Variants in CCSER1 observed in about 807,000 individuals in gnomAD.
The protein encoded by CCSER1 is serine-rich coiled-coil domain-containing protein 1.
Under a neutral mutation model 82.0 loss-of-function variants are expected in CCSER1, and 41 were observed. That is an observed-to-expected ratio of 0.50 (90% CI 0.39 to 0.65). The LOEUF (loss-of-function observed/expected upper bound fraction) is 0.65. CCSER1 is among the 30% of genes least tolerant of loss of function. The pLI is 0.00. For missense variants in CCSER1, 1,119 were observed against 1,064.2 expected (o/e 1.05, Z -0.72); for synonymous variants, 414 against 383.9 (o/e 1.08, Z -0.92).
At chr4:91,191,827 T>G (rs868621104) in intron 10 of CCSER1, among the ~76,000 whole-genome samples, 3 of 152,206 alleles carry the variant, frequency 2.0e-5, no homozygotes, top group African/African-American at 7.2e-5. Flanking sequence ...TTACCCAGTC[T>G]TTTCAATTCT....
At chr4:90,868,741 T>C (rs916327396) in intron 8 of CCSER1, among the ~76,000 whole-genome samples, 3 of 152,074 alleles carry the variant, frequency 2.0e-5, no homozygotes, top group African/African-American at 7.2e-5. Context: ...CTAGATCGTA[T>C]GGTAGCTGAA....
intron 10 of CCSER1, among the ~76,000 whole-genome samples, chr4:91,131,610 ATATT>A (rs1402657413): frequency 6.6e-6 from 1 of 152,114 alleles, no homozygotes; most frequent in Non-Finnish European, 1.5e-5. Flanking sequence ...ATGTGTATAC[ATATT>A]TATATATATT....
chr4:90,801,864 G>C (rs965435769), intron 7 of CCSER1, among the ~76,000 whole-genome samples: 2 of 152,056 alleles, frequency 1.3e-5, no homozygotes, highest in African/African-American at 2.4e-5. Flanking sequence ...CTGTAAAAAA[G>C]ACTTAGAATA....
At chr4:90,534,107 G>A (rs1774970135) in intron 5 of CCSER1, among the ~76,000 whole-genome samples, 1 of 152,268 alleles carries the variant, frequency 6.6e-6, no homozygotes, top group Non-Finnish European at 1.5e-5. Context: ...TAGGCACTTG[G>A]AACAGAAATA....
chr4:90,204,831 G>T lies in CCSER1; in HGVS notation c.-42+77000G>T, dbSNP rs533516293. Among the ~76,000 whole-genome samples, 244 of 152,168 alleles carry T rather than the reference G, an allele frequency of 1.6e-3. 2 individuals are homozygous for T. The highest frequency in any genetic ancestry group is 5.5e-3 in the African/African-American group (227 of 41,552). ...TGATTCTTCCTATCCATGAGCATGG[G>T]ATGTTTTTCCATTTGTTTGTGTCCT... On this transcript the variant is annotated intron_variant, in intron 1 of 10. Transcript: ENST00000509176.
chr4:91,581,248 A>G (rs1763713721), intron 10 of CCSER1, among the ~76,000 whole-genome samples: 1 of 151,732 alleles, frequency 6.6e-6, no homozygotes, highest in Non-Finnish European at 1.5e-5. Context: ...TTCACCAGCG[A>G]TATTAGATAA....
chr4:90,833,999 A>C (rs1216877199), intron 8 of CCSER1, among the ~76,000 whole-genome samples: 2 of 152,082 alleles, frequency 1.3e-5, no homozygotes, highest in Non-Finnish European at 2.9e-5. Context: ...CCAGTGCCAT[A>C]CTCTGGGACT....
Position 91,093,146 on chromosome 4 carries a change from G to C in CCSER1, c.2217+7152G>C, listed in dbSNP as rs188528070. ...AGCAATGAGTTCTTCCTTCTGGGCT[G>C]AAGTGCCCTGAGGCAATGGTTTGGC... On this transcript the variant is annotated intron_variant, in intron 10 of 10. Coordinates refer to ENST00000509176, the MANE Select transcript of CCSER1 (RefSeq NM_001145065.2). Among the ~76,000 whole-genome samples, 461 of 152,310 alleles carry C rather than the reference G, an allele frequency of 3.0e-3. 13 individuals carry two copies. Among genetic ancestry groups the C allele is most frequent in the Non-Finnish European group, 8.5e-4 (58 of 68,030 alleles).
At chr4:90,850,552 T>C (rs1763754462) in intron 8 of CCSER1, among the ~76,000 whole-genome samples, 1 of 152,194 alleles carries the variant, frequency 6.6e-6, no homozygotes, top group African/African-American at 2.4e-5. Context: ...AAAGAGATCA[T>C]TTTGGAACTT....
intron 8 of CCSER1, among the ~76,000 whole-genome samples, chr4:90,896,511 T>C (rs1723737391): frequency 6.6e-6 from 1 of 151,956 alleles, no homozygotes. Flanking sequence ...AAATTAATGG[T>C]CGTGAAGGGA....
chr4:91,593,467 C>CTTTTTT (rs753973015), intron 10 of CCSER1, among the ~76,000 whole-genome samples: 3 of 55,020 alleles, frequency 5.5e-5, no homozygotes, highest in Admixed American at 2.7e-4. Flanking sequence ...CAACCCCGTG[C>CTTTTTT]TTTTTTTTTT....
intron 10 of CCSER1, among the ~76,000 whole-genome samples, chr4:91,307,859 C>T (rs1745182699): frequency 6.6e-6 from 1 of 151,814 alleles, no homozygotes; most frequent in South Asian, 2.1e-4. Context: ...CATTTATACC[C>T]GTTTTAATGG....
chr4:91,327,321 A>G (rs1224435994), intron 10 of CCSER1, among the ~76,000 whole-genome samples: 3 of 152,200 alleles, frequency 2.0e-5, no homozygotes, highest in African/African-American at 7.2e-5. Context: ...CACAGGCCCA[A>G]TACCACGGGG....
At chr4:90,341,015 A>G (rs1320663247) in intron 3 of CCSER1, among the ~76,000 whole-genome samples, 4 of 152,166 alleles carry the variant, frequency 2.6e-5, no homozygotes, top group Non-Finnish European at 4.4e-5. Flanking sequence ...AGACATGAAT[A>G]ACAGTAATGA....
chr4:90,664,509 G>A (rs949442356), intron 6 of CCSER1, among the ~76,000 whole-genome samples: 1 of 152,070 alleles, frequency 6.6e-6, no homozygotes, highest in Non-Finnish European at 1.5e-5. Flanking sequence ...ATACTACCTT[G>A]TGGTTCACAT....
At chr4:91,573,769 G>T (rs1763305711) in intron 10 of CCSER1, among the ~76,000 whole-genome samples, 1 of 152,044 alleles carries the variant, frequency 6.6e-6, no homozygotes, top group African/African-American at 2.4e-5. Flanking sequence ...GTATTTACTT[G>T]CCCCTTCCAT....
chr4:90,141,417 A>G (rs951486429), intron 1 of CCSER1, among the ~76,000 whole-genome samples: 2 of 152,232 alleles, frequency 1.3e-5, no homozygotes, highest in Admixed American at 6.5e-5. Flanking sequence ...GATGAAAGGT[A>G]ATATGTTAAG....
chr4:90,434,047 C>T (rs966947533), intron 4 of CCSER1, among the ~76,000 whole-genome samples: 1 of 151,832 alleles, frequency 6.6e-6, no homozygotes, highest in Non-Finnish European at 1.5e-5. Flanking sequence ...ACAACTTTTT[C>T]CCCACAATTA....
At chr4:90,271,766 TTATA>T (rs1275171545) in intron 1 of CCSER1, among the ~76,000 whole-genome samples, 5 of 140,838 alleles carry the variant, frequency 3.6e-5, no homozygotes, top group African/African-American at 1.3e-4. Flanking sequence ...AATAACCAGA[TTATA>T]TATGTATTAG....
Sources: gnomAD v4.1 joint callset for allele counts (sites outside exome capture counted in the v4.1 genomes callset) on GRCh38, gnomAD v4.1.1 for gene constraint, MANE v1.5 for transcripts, NCBI Gene and HGNC (gene_info 2026-07-23, HGNC 2026-07-21) for gene names.